The following FBXL17 variants were observed in gnomAD, a reference collection of about 807,000 sequenced individuals.
The protein encoded by FBXL17 is F-box/LRR-repeat protein 17.
In FBXL17, 22 loss-of-function variants were observed where a neutral mutation model predicts 66.2. The observed-to-expected ratio is 0.33, with a 90% CI of 0.24 to 0.47. The LOEUF (loss-of-function observed/expected upper bound fraction) is 0.47. FBXL17 is among the 20% of genes least tolerant of loss of function. The pLI is 1.00. For synonymous variants in FBXL17, 474 were observed against 400.5 expected (o/e 1.18, Z -2.19); for missense variants, 878 against 948.2 (o/e 0.93, Z 0.97).
intron 6 of FBXL17, among the ~76,000 whole-genome samples, chr5:108,025,717 A>ACGCG (rs55770372): frequency 4.2e-4 from 44 of 104,090 alleles, no homozygotes; most frequent in South Asian, 1.5e-3. Flanking sequence ...ACACACACAC[A>ACGCG]CGCGCGCGCG....
At chr5:108,030,880 T>C (rs894973944) in intron 6 of FBXL17, among the ~76,000 whole-genome samples, 10 of 152,128 alleles carry the variant, frequency 6.6e-5, no homozygotes, top group Non-Finnish European at 1.3e-4. Flanking sequence ...CGTGAGGGCA[T>C]CATGAATTCC....
chr5:108,037,074 T>C (rs544579250), intron 6 of FBXL17, among the ~76,000 whole-genome samples: 1 of 152,244 alleles, frequency 6.6e-6, no homozygotes, highest in Non-Finnish European at 1.5e-5. Flanking sequence ...GGTAAGAATA[T>C]GTAATGAAAC....
intron 4 of FBXL17, among the ~76,000 whole-genome samples, chr5:108,285,080 C>A (rs777988842): frequency 6.6e-6 from 1 of 151,880 alleles, no homozygotes; most frequent in African/African-American, 2.4e-5. Context: ...GCATCTTCAC[C>A]GGTAGATTCC....
intron 7 of FBXL17, among the ~76,000 whole-genome samples, chr5:107,995,638 T>C (rs2112703174): frequency 6.6e-6 from 1 of 152,312 alleles, no homozygotes; most frequent in East Asian, 1.9e-4. Flanking sequence ...TTATTCAGTA[T>C]ATTTAAAATA....
intron 6 of FBXL17, among the ~76,000 whole-genome samples, chr5:108,181,518 G>A (rs1192743390): frequency 6.6e-6 from 1 of 152,112 alleles, no homozygotes; most frequent in Non-Finnish European, 1.5e-5. Flanking sequence ...AATGCTAACA[G>A]ACACCATAAA....
chr5:108,281,779 T>C (rs1384892546), intron 4 of FBXL17, among the ~76,000 whole-genome samples: 3 of 151,438 alleles, frequency 2.0e-5, no homozygotes. Context: ...AATTGATAAA[T>C]AGCTACACAG....
At chr5:107,979,727 C>G (rs1438233883) in intron 7 of FBXL17, among the ~76,000 whole-genome samples, 1 of 152,176 alleles carries the variant, frequency 6.6e-6, no homozygotes, top group Non-Finnish European at 1.5e-5. Flanking sequence ...TAACATCTAA[C>G]TAGGACTTTT....
At chr5:108,190,461 C>T (rs1332679301) in intron 5 of FBXL17, among the ~76,000 whole-genome samples, 1 of 152,184 alleles carries the variant, frequency 6.6e-6, no homozygotes, top group African/African-American at 2.4e-5. Context: ...CCAACCCTTA[C>T]TCATGGGAAG....
intron 6 of FBXL17, among the ~76,000 whole-genome samples, chr5:108,153,308 CTATTT>C (rs1349097297): frequency 1.3e-5 from 2 of 152,168 alleles, no homozygotes; most frequent in Admixed American, 1.3e-4. Flanking sequence ...CTAAAAATTT[CTATTT>C]TATTATTTGG....
intron 6 of FBXL17, among the ~76,000 whole-genome samples, chr5:108,106,662 A>G (rs1749808721): frequency 6.6e-6 from 1 of 152,246 alleles, no homozygotes; most frequent in South Asian, 2.1e-4. Flanking sequence ...ATATTATATT[A>G]CAGTATTCCA....
intron 1 of FBXL17, among the ~76,000 whole-genome samples, chr5:108,374,291 C>T (rs1749269536): frequency 6.6e-6 from 1 of 152,184 alleles, no homozygotes; most frequent in Non-Finnish European, 1.5e-5. Flanking sequence ...GTCTAAAATA[C>T]TACACTACAA....
At chr5:108,161,993 C>A (rs1385133245) in intron 6 of FBXL17, among the ~76,000 whole-genome samples, 1 of 152,196 alleles carries the variant, frequency 6.6e-6, no homozygotes, top group African/African-American at 2.4e-5. Flanking sequence ...GCATGCTCAG[C>A]AGCGTTAAAA....
chr5:107,881,517 G>T (rs1170231478), intron 7 of FBXL17, among the ~76,000 whole-genome samples: 2 of 151,844 alleles, frequency 1.3e-5, no homozygotes, highest in Non-Finnish European at 2.9e-5. Flanking sequence ...AAAAACCCAA[G>T]TACTAACTTA....
intron 3 of FBXL17, 73 bp from the exon 4 acceptor site, chr5:108,348,603 T>A (rs567547695): frequency 1.7e-5 from 26 of 1,501,940 alleles, no homozygotes; most frequent in Non-Finnish European, 2.2e-5. Context: ...GATTTTCATA[T>A]AATTTTTTGA....
At chr5:108,362,975 A>C (rs562491434) in intron 3 of FBXL17, among the ~76,000 whole-genome samples, 102 of 152,080 alleles carry the variant, frequency 6.7e-4, no homozygotes, top group Non-Finnish European at 1.3e-3. Flanking sequence ...TCAATTGCTA[A>C]ATTAATGAGT....
intron 7 of FBXL17, among the ~76,000 whole-genome samples, chr5:107,990,509 T>C (rs920664109): frequency 2.6e-5 from 4 of 152,136 alleles, no homozygotes; most frequent in African/African-American, 4.8e-5. Flanking sequence ...CCGCATTATT[T>C]TGGGCAGGTT....
chr5:108,165,617 T>A (rs981534245), intron 6 of FBXL17, among the ~76,000 whole-genome samples: 1 of 152,216 alleles, frequency 6.6e-6, no homozygotes, highest in Non-Finnish European at 1.5e-5. Context: ...AGGCTTCACC[T>A]TCATCACTAA....
intron 6 of FBXL17, among the ~76,000 whole-genome samples, chr5:108,130,305 A>C (rs34430): frequency 0.79 from 120,007 of 151,680 alleles, 48,109 homozygotes; most frequent in East Asian, 0.92. Flanking sequence ...GAAGCATAAA[A>C]CTTAAAATTA....
In FBXL17 at chr5:108,099,272, T is replaced by C. The variant is rs73208871; in HGVS notation, c.1746-78271A>G. Among the ~76,000 whole-genome samples the C allele has an allele frequency of 4.2e-3, 646 of 152,298 alleles. 4 individuals carry two copies. Among genetic ancestry groups the C allele is most frequent in the African/African-American group, 0.015 (611 of 41,562 alleles). Reference sequence around the variant, plus strand: ...AGCTGATAATGTGATACTGGGTACATAGAACATTGTAGGGGGGCAGTATTT... The same window carrying C: ...AGCTGATAATGTGATACTGGGTACACAGAACATTGTAGGGGGGCAGTATTT... On this transcript the variant is annotated intron_variant, in intron 6 of 8. Coordinates refer to ENST00000542267, the MANE Select transcript of FBXL17 (RefSeq NM_001163315.3).
Sources: allele counts gnomAD v4.1 joint callset (sites outside exome capture counted in the v4.1 genomes callset), GRCh38; gene constraint gnomAD v4.1.1; transcripts MANE v1.5; gene names NCBI Gene and HGNC (gene_info 2026-07-23, HGNC 2026-07-21).